Variants in CHRFAM7A observed in about 807,000 individuals in gnomAD.
CHRFAM7A encodes CHRNA7 (exons 5-10) and FAM7A (exons A-E) fusion, also known as CHRNA7-FAM7A fusion protein.
In CHRFAM7A, 3 loss-of-function variants were observed where a neutral mutation model predicts 29.2. The observed-to-expected ratio is 0.10, with a 90% CI of 0.05 to 0.27. The LOEUF (loss-of-function observed/expected upper bound fraction) is 0.27. Ranked by LOEUF, CHRFAM7A falls within the 10% of genes least tolerant of loss-of-function variation. The pLI is 1.00. For missense variants in CHRFAM7A, 22 were observed against 328.0 expected (o/e 0.07, Z 7.21); for synonymous variants, 7 against 135.4 (o/e 0.05, Z 6.58).
intron 7 of CHRFAM7A, among the ~76,000 whole-genome samples, chr15:30,371,611 C>T (rs1179574859): frequency 2.0e-5 from 3 of 149,702 alleles, no homozygotes; most frequent in African/African-American, 5.0e-5. Flanking sequence ...CCTTTCTGAA[C>T]CTCATACTCA....
chr15:30,377,989 G>T (rs1256527502), intron 4 of CHRFAM7A, among the ~76,000 whole-genome samples: 2 of 90,530 alleles, frequency 2.2e-5, no homozygotes, highest in African/African-American at 9.7e-5. Context: ...TCTAACAAAA[G>T]GCATTTTAAA....
chr15:30,370,953 T>C (rs547171544), intron 8 of CHRFAM7A, 145 bp downstream of exon 8: 4 of 1,481,382 alleles, frequency 2.7e-6, no homozygotes, highest in Middle Eastern at 1.7e-4. Flanking sequence ...CGGGTGACTC[T>C]GAATAGTTAC....
chr15:30,376,034 G>A (rs1769543065), intron 5 of CHRFAM7A, among the ~76,000 whole-genome samples: 1 of 152,130 alleles, frequency 6.6e-6, no homozygotes, highest in East Asian at 1.9e-4. Context: ...TGTGAGTGGT[G>A]TGTGTGTTGT....
chr15:30,367,276 A>G, intron 9 of CHRFAM7A, 142 bp downstream of exon 9: 1 of 902,322 alleles, frequency 1.1e-6, no homozygotes, highest in South Asian at 1.7e-5. Context: ...ACATAGTGAG[A>G]CTCCGTCTCA....
At chr15:30,370,856 G>C (rs1301645060) in intron 8 of CHRFAM7A, among the ~76,000 whole-genome samples, 2 of 150,746 alleles carry the variant, frequency 1.3e-5, no homozygotes, top group African/African-American at 2.5e-5. Flanking sequence ...CAAGCATGAG[G>C]AGGAGAATTA....
At chr15:30,376,086 AGTGT>A (rs1185457706) in intron 5 of CHRFAM7A, among the ~76,000 whole-genome samples, 5 of 144,690 alleles carry the variant, frequency 3.5e-5, no homozygotes, top group African/African-American at 1.1e-4. Context: ...TGGTGTGAGT[AGTGT>A]GAGTGGTGTG....
Position 30,373,192 on chromosome 15 carries a change from ATGTGC to A in CHRFAM7A, c.161-52_161-48del. On this transcript the variant is annotated intron_variant, in intron 5 of 9. Coordinates refer to ENST00000299847, the MANE Select transcript of CHRFAM7A (RefSeq NM_139320.2). ...AAGACTGAAACGGAAGCTGACTGAG[ATGTGC>A]TGAAAATACACAGCAGTTCCTTCAG... 4 of 1,220,362 alleles carry A rather than the reference ATGTGC, an allele frequency of 3.3e-6. No individual in the cohort carries two copies. The South Asian group carries it at 5.4e-5, about 16-fold the overall frequency. The allele number at this position is 1,220,362 out of a possible 1,614,324, so 75.6% of individuals were successfully genotyped here.
Position 30,367,421 on chromosome 15 carries a change from C to T in CHRFAM7A, c.717G>A (p.Lys239=), listed in dbSNP as rs2058800870. 4 of 1,607,250 alleles carry T rather than the reference C, an allele frequency of 2.5e-6. No individual in the cohort carries two copies. The highest frequency in any genetic ancestry group is 1.7e-5 in the Admixed American group (1 of 59,448). ...ATCGGGGGTGGGAGGAACGTACCCACTTGGGCATCTTGCCCCCGTCGGGGT... is the reference window on the plus strand; with the variant it reads ...ATCGGGGGTGGGAGGAACGTACCCATTTGGGCATCTTGCCCCCGTCGGGGT... ...HHDPDGGKMP[K]WTRVILLNWC... Residue 239 remains lysine (K), a synonymous_variant, in exon 9 of 10, where the codon AAG becomes AAA. Transcript: ENST00000299847.
At chr15:30,368,995 G>A (rs192474711) in intron 8 of CHRFAM7A, among the ~76,000 whole-genome samples, 25,310 of 139,772 alleles carry the variant, frequency 0.18, 2,798 homozygotes, top group Non-Finnish European at 0.24. Context: ...GGTCGATGTG[G>A]GAGAAACGCC....
chr15:30,377,614 G>T (rs1157394548), intron 4 of CHRFAM7A, among the ~76,000 whole-genome samples: 1 of 126,390 alleles, frequency 7.9e-6, no homozygotes, highest in East Asian at 2.3e-4. Context: ...TTGCTGTGTT[G>T]CCCAGGCTAG....
intron 7 of CHRFAM7A, among the ~76,000 whole-genome samples, chr15:30,371,616 T>C (rs141352279): frequency 0.097 from 9,882 of 101,816 alleles, 21 homozygotes; most frequent in South Asian, 0.22. Flanking sequence ...CTGAACCTCA[T>C]ACTCAGAAGA....
At chr15:30,375,810 TTGTG>T (rs1284387501) in intron 5 of CHRFAM7A, among the ~76,000 whole-genome samples, 10 of 144,586 alleles carry the variant, frequency 6.9e-5, no homozygotes, top group African/African-American at 2.5e-4. Context: ...ATGTGAGTGG[TTGTG>T]TGAGTGGTGT....
chr15:30,374,343 G>A (rs1412144999), intron 5 of CHRFAM7A, among the ~76,000 whole-genome samples: 1 of 94,802 alleles, frequency 1.1e-5, no homozygotes, highest in African/African-American at 4.3e-5. Flanking sequence ...CCCCACAACC[G>A]AGTTGGGAAA....
intron 5 of CHRFAM7A, among the ~76,000 whole-genome samples, chr15:30,376,100 G>A (rs1247459020): frequency 6.6e-6 from 1 of 151,648 alleles, no homozygotes; most frequent in Non-Finnish European, 1.5e-5. Context: ...TGAGTGGTGT[G>A]AGTGGTGTGT....
intron 9 of CHRFAM7A, 110 bp downstream of exon 9, chr15:30,367,308 A>G (rs1211367078): frequency 7.4e-7 from 1 of 1,345,442 alleles, no homozygotes; most frequent in African/African-American, 1.5e-5. Flanking sequence ...AAAAAACCCA[A>G]AGCTATTTCT....
At chr15:30,366,624 CTT>C (rs1174914800) in intron 9 of CHRFAM7A, among the ~76,000 whole-genome samples, 4 of 150,168 alleles carry the variant, frequency 2.7e-5, no homozygotes, top group Non-Finnish European at 5.9e-5. Flanking sequence ...GACAATTAGT[CTT>C]TGTTTCATAG....
At chr15:30,369,194 CA>C in intron 8 of CHRFAM7A, among the ~76,000 whole-genome samples, 1 of 144,798 alleles carries the variant, frequency 6.9e-6, no homozygotes, top group Non-Finnish European at 1.5e-5. Flanking sequence ...AGCTGTAAAC[CA>C]GGGAGTGGCC....
intron 5 of CHRFAM7A, among the ~76,000 whole-genome samples, chr15:30,373,523 G>GGTGT (rs141612625): frequency 6.1e-5 from 7 of 114,350 alleles, no homozygotes; most frequent in East Asian, 2.1e-4. Flanking sequence ...GAATCTAAAA[G>GGTGT]GTGTGTGTGT....
At chr15:30,368,821 A>AT (rs2058824026) in intron 8 of CHRFAM7A, among the ~76,000 whole-genome samples, 1 of 93,100 alleles carries the variant, frequency 1.1e-5, no homozygotes, top group Admixed American at 1.2e-4. Context: ...GAACTCCCCG[A>AT]TTTATAGACA....
Sources: allele counts gnomAD v4.1 joint callset (sites outside exome capture counted in the v4.1 genomes callset), GRCh38; gene constraint gnomAD v4.1.1; transcripts MANE v1.5; gene names NCBI Gene and HGNC (gene_info 2026-07-23, HGNC 2026-07-21).